Variants in PELI2 observed in about 807,000 individuals in gnomAD.
PELI2 encodes the protein E3 ubiquitin-protein ligase pellino homolog 2.
In PELI2, 23 loss-of-function variants were observed where a neutral mutation model predicts 42.3. The observed-to-expected ratio is 0.54, with a 90% CI of 0.39 to 0.77. The LOEUF is 0.77. Among genes scored for constraint, PELI2 ranks in the 30% least tolerant of loss-of-function variants. The pLI, the probability that PELI2 is intolerant of heterozygous loss-of-function variation, is 0.00. For missense variants in PELI2, 463 were observed against 553.2 expected (o/e 0.84, Z 1.64); for synonymous variants, 245 against 212.2 (o/e 1.15, Z -1.34).
chr14:56,276,273 G>A (rs1290076980), intron 2 of PELI2, among the ~76,000 whole-genome samples: 1 of 152,096 alleles, frequency 6.6e-6, no homozygotes. Context: ...TGGAAACAAG[G>A]TCATGTGAGC....
At chr14:56,266,738 C>G (rs1183721078) in intron 2 of PELI2, among the ~76,000 whole-genome samples, 4 of 151,986 alleles carry the variant, frequency 2.6e-5, no homozygotes, top group African/African-American at 4.8e-5. Context: ...AATTTTGTTT[C>G]TAGGAATTTG....
intron 2 of PELI2, among the ~76,000 whole-genome samples, chr14:56,257,904 A>G (rs1211493968): frequency 6.6e-6 from 1 of 152,232 alleles, no homozygotes; most frequent in East Asian, 1.9e-4. Flanking sequence ...AGGGGGCTTC[A>G]TAGAGGCATA....
chr14:56,160,026 A>G (rs1167850453), intron 1 of PELI2, among the ~76,000 whole-genome samples: 1 of 146,034 alleles, frequency 6.8e-6, no homozygotes, highest in Non-Finnish European at 1.5e-5. Context: ...TTTTTTTTTT[A>G]GGTAGACTGG....
At chr14:56,250,843 C>G (rs905155683) in intron 2 of PELI2, among the ~76,000 whole-genome samples, 2 of 152,206 alleles carry the variant, frequency 1.3e-5, no homozygotes, top group Middle Eastern at 3.2e-3. Flanking sequence ...CAAGTTCACA[C>G]TCAGTATTAA....
At chr14:56,193,190 C>T (rs1162941062) in intron 2 of PELI2, among the ~76,000 whole-genome samples, 1 of 152,216 alleles carries the variant, frequency 6.6e-6, no homozygotes, top group African/African-American at 2.4e-5. Context: ...GTCCTCTGAG[C>T]CTCTGTCTTC....
chr14:56,155,404 A>G (rs1884518916), intron 1 of PELI2, among the ~76,000 whole-genome samples: 1 of 152,108 alleles, frequency 6.6e-6, no homozygotes, highest in Non-Finnish European at 1.5e-5. Context: ...TACAGCTTGA[A>G]ACAATTCTTT....
Position 56,210,851 on chromosome 14 carries a change from A to G in PELI2, c.207+32387A>G, listed in dbSNP as rs555998903. Among the ~76,000 whole-genome samples the G allele has an allele frequency of 3.3e-5, 5 of 152,334 alleles. 1 individual carries two copies. Among genetic ancestry groups the G allele is most frequent in the African/African-American group, 9.6e-5 (4 of 41,570 alleles). Reference sequence around the variant, plus strand: ...GGACTCAGCTATTTCTGTCTGACCTATGGCTGAACATCCTCAGAGTTTTCC... The same window carrying G: ...GGACTCAGCTATTTCTGTCTGACCTGTGGCTGAACATCCTCAGAGTTTTCC... On this transcript the variant is annotated intron_variant, in intron 2 of 5. Transcript: ENST00000267460.
At chr14:56,190,134 A>G (rs1885907351) in intron 2 of PELI2, among the ~76,000 whole-genome samples, 1 of 152,228 alleles carries the variant, frequency 6.6e-6, no homozygotes, top group African/African-American at 2.4e-5. Flanking sequence ...AAATCTCTTC[A>G]AGTCATTCTG....
chr14:56,118,865 C>T (rs1404203914), intron 1 of PELI2, 128 bp downstream of exon 1: 1 of 514,334 alleles, frequency 1.9e-6, no homozygotes, highest in South Asian at 7.2e-5. Context: ...GCAGGAGAGG[C>T]TCTCAGGGCC....
intron 1 of PELI2, among the ~76,000 whole-genome samples, chr14:56,142,383 T>C (rs1008257891): frequency 6.6e-6 from 1 of 152,130 alleles, no homozygotes; most frequent in African/African-American, 2.4e-5. Flanking sequence ...TCACAGTTGC[T>C]AAATTGTCAG....
At chr14:56,157,506 G>A (rs1242694593) in intron 1 of PELI2, among the ~76,000 whole-genome samples, 1 of 151,986 alleles carries the variant, frequency 6.6e-6, no homozygotes, top group Non-Finnish European at 1.5e-5. Flanking sequence ...TCATTAAAAA[G>A]TGTTTATATT....
At chr14:56,278,706 T>C (rs1889378914) in intron 2 of PELI2, among the ~76,000 whole-genome samples, 2 of 152,222 alleles carry the variant, frequency 1.3e-5, no homozygotes, top group Admixed American at 6.5e-5. Flanking sequence ...TATAAATGTT[T>C]AGTACATTTT....
At chr14:56,233,199 A>G (rs572412740) in intron 2 of PELI2, among the ~76,000 whole-genome samples, 172 of 152,340 alleles carry the variant, frequency 1.1e-3, no homozygotes, top group African/African-American at 3.7e-3. Flanking sequence ...TATAGATTCA[A>G]TGCCATCCCC....
intron 2 of PELI2, among the ~76,000 whole-genome samples, chr14:56,276,263 TG>T (rs1889287968): frequency 6.6e-6 from 1 of 152,178 alleles, no homozygotes; most frequent in South Asian, 2.1e-4. Context: ...CTTTAATACA[TG>T]GAAACAAGGT....
intron 2 of PELI2, among the ~76,000 whole-genome samples, chr14:56,189,571 A>C (rs2139685372): frequency 6.6e-6 from 1 of 152,358 alleles, no homozygotes; most frequent in Non-Finnish European, 1.5e-5. Flanking sequence ...AACGCATCAT[A>C]TGCCTACTAC....
intron 2 of PELI2, among the ~76,000 whole-genome samples, chr14:56,203,354 A>G (rs1886403584): frequency 6.6e-6 from 1 of 152,168 alleles, no homozygotes; most frequent in African/African-American, 2.4e-5. Context: ...CTAGGGGTGA[A>G]GTATCGTAAT....
intron 1 of PELI2, among the ~76,000 whole-genome samples, chr14:56,126,412 C>A (rs934494136): frequency 1.3e-5 from 2 of 152,236 alleles, no homozygotes; most frequent in Admixed American, 6.5e-5. Flanking sequence ...GCTTCTCACT[C>A]TCAAACACTT....
chr14:56,162,051 A>G (rs1460332332), intron 1 of PELI2, among the ~76,000 whole-genome samples: 3 of 152,226 alleles, frequency 2.0e-5, no homozygotes, highest in Admixed American at 1.3e-4. Flanking sequence ...TGATACAGGC[A>G]TGCAATGTGA....
chr14:56,279,554 T>C (rs975845753), intron 2 of PELI2, 122 bp from the exon 3 acceptor site: 41 of 517,732 alleles, frequency 7.9e-5, no homozygotes, highest in Non-Finnish European at 1.3e-4. Flanking sequence ...AAAACCTGAC[T>C]GTGTGGAAAA....
Sources: allele counts gnomAD v4.1 joint callset (sites outside exome capture counted in the v4.1 genomes callset), GRCh38; gene constraint gnomAD v4.1.1; transcripts MANE v1.5; gene names NCBI Gene and HGNC (gene_info 2026-07-23, HGNC 2026-07-21).